UST: variants seen among roughly 807,000 people sequenced by gnomAD.
UST encodes chondroitin sulfate 2-O-sulfotransferase.
UST carries 21 observed loss-of-function variants against 45.6 expected under a neutral mutation model. That is an observed-to-expected ratio of 0.46 (90% CI 0.33 to 0.66). UST has a LOEUF of 0.66. Among genes scored for constraint, UST ranks in the 30% least tolerant of loss-of-function variants. UST has a pLI of 0.02. For synonymous variants in UST, 215 were observed against 200.6 expected (o/e 1.07, Z -0.61); for missense variants, 463 against 512.4 (o/e 0.90, Z 0.93).
intron 5 of UST, among the ~76,000 whole-genome samples, chr6:148,996,228 C>T (rs2486401): frequency 0.65 from 99,318 of 152,040 alleles, 32,772 homozygotes; most frequent in South Asian, 0.75. Context: ...TTATGGTTAT[C>T]GTTGTTTCTG....
At chr6:148,764,871 C>T (rs560383795) in intron 1 of UST, among the ~76,000 whole-genome samples, 1 of 152,288 alleles carries the variant, frequency 6.6e-6, no homozygotes, top group South Asian at 2.1e-4. Context: ...TAGAATTTGA[C>T]AGGCTGGAAT....
At chr6:148,889,689 C>G (rs1778978835) in intron 2 of UST, among the ~76,000 whole-genome samples, 1 of 152,056 alleles carries the variant, frequency 6.6e-6, no homozygotes, top group Admixed American at 6.5e-5. Context: ...TTTTTATGAA[C>G]TTGCCTTTTT....
At chr6:148,810,649 C>T (rs189233538) in intron 1 of UST, among the ~76,000 whole-genome samples, 2 of 152,130 alleles carry the variant, frequency 1.3e-5, no homozygotes, top group Non-Finnish European at 2.9e-5. Context: ...TGGCCTTGGC[C>T]TTTTTGGATG....
chr6:148,765,564 T>C (rs1430022215), intron 1 of UST, among the ~76,000 whole-genome samples: 8 of 152,178 alleles, frequency 5.3e-5, no homozygotes, highest in Non-Finnish European at 5.9e-5. Context: ...AATACAATCG[T>C]CACAGGGTCC....
At chr6:148,867,713 GC>G (rs1277131410) in intron 1 of UST, among the ~76,000 whole-genome samples, 1 of 152,058 alleles carries the variant, frequency 6.6e-6, no homozygotes, top group African/African-American at 2.4e-5. Flanking sequence ...TGATTGTGAG[GC>G]CTCCCCAGCC....
intron 5 of UST, among the ~76,000 whole-genome samples, chr6:148,970,781 C>T (rs955175265): frequency 1.2e-4 from 18 of 152,164 alleles, no homozygotes; most frequent in Non-Finnish European, 2.4e-4. Context: ...AAGACACCAA[C>T]GGTGGGTTGA....
intron 2 of UST, among the ~76,000 whole-genome samples, chr6:148,889,129 GC>G (rs1225045692): frequency 1.3e-5 from 2 of 152,218 alleles, no homozygotes; most frequent in Admixed American, 6.5e-5. Flanking sequence ...CTGGGCCCAG[GC>G]CCCAGAGTGT....
intron 2 of UST, among the ~76,000 whole-genome samples, chr6:148,926,926 G>A (rs980590929): frequency 2.7e-5 from 4 of 150,408 alleles, no homozygotes; most frequent in Admixed American, 2.7e-4. Flanking sequence ...ATTCTATATA[G>A]TTAGTAATAG....
At chr6:148,864,089 C>G (rs949818719) in intron 1 of UST, among the ~76,000 whole-genome samples, 2 of 152,186 alleles carry the variant, frequency 1.3e-5, no homozygotes, top group Non-Finnish European at 2.9e-5. Context: ...TCAGCTGTGC[C>G]CTGCCCCCAG....
rs567551268 is a variant in UST, at chr6:148,964,890, T to TG, written c.681+334dup. Reference sequence around the variant, plus strand: ...TAGTGCTTAAGAAGAACAAAGGTGTTGGGGGGGTGTCTGTTAGAGGGCGGC... The same window carrying TG: ...TAGTGCTTAAGAAGAACAAAGGTGTTGGGGGGGGTGTCTGTTAGAGGGCGGC... On this transcript the variant is annotated intron_variant, in intron 5 of 7. Transcript: ENST00000367463. 6.4e-4 allele frequency among the ~76,000 whole-genome samples: 98 copies of TG among 152,186 alleles called. No homozygotes were observed. The Middle Eastern group carries it at 0.01, about 16-fold the overall frequency.
intron 7 of UST, among the ~76,000 whole-genome samples, chr6:149,051,356 A>C (rs1776483395): frequency 6.6e-6 from 1 of 152,348 alleles, no homozygotes; most frequent in South Asian, 2.1e-4. Flanking sequence ...GTAGAAAGTC[A>C]GGCAGGCCCT....
At chr6:149,038,775 G>A (rs1428929692) in intron 7 of UST, among the ~76,000 whole-genome samples, 5 of 152,162 alleles carry the variant, frequency 3.3e-5, no homozygotes, top group Non-Finnish European at 5.9e-5. Context: ...GATGAACACT[G>A]TCCTCTGGAT....
chr6:148,781,915 ATT>A (rs1433056299), intron 1 of UST, among the ~76,000 whole-genome samples: 1 of 152,240 alleles, frequency 6.6e-6, no homozygotes, highest in Non-Finnish European at 1.5e-5. Context: ...AGAAAAACAG[ATT>A]CCTTTCAAAG....
At chr6:149,048,125 TCA>T in intron 7 of UST, among the ~76,000 whole-genome samples, 2 of 126,606 alleles carry the variant, frequency 1.6e-5, no homozygotes, top group East Asian at 1.9e-4. Context: ...TCTAAAGAGT[TCA>T]TTTTTTTTTT....
intron 1 of UST, among the ~76,000 whole-genome samples, chr6:148,760,178 A>T (rs1776184994): frequency 6.6e-6 from 1 of 152,220 alleles, no homozygotes. Flanking sequence ...TAAAATCAGC[A>T]GTGCGTTTCC....
At chr6:148,856,530 C>T (rs1006345939) in intron 1 of UST, among the ~76,000 whole-genome samples, 3 of 152,202 alleles carry the variant, frequency 2.0e-5, no homozygotes, top group Non-Finnish European at 4.4e-5. Flanking sequence ...CCTAGCATGT[C>T]CTGCATGGGG....
At chr6:148,771,557 G>A (rs1206136742) in intron 1 of UST, among the ~76,000 whole-genome samples, 3 of 152,284 alleles carry the variant, frequency 2.0e-5, no homozygotes, top group Non-Finnish European at 4.4e-5. Context: ...GTAAGTCTAG[G>A]TCACAGAAAA....
At chr6:149,000,952 A>G (rs1434654933) in intron 5 of UST, among the ~76,000 whole-genome samples, 1 of 152,242 alleles carries the variant, frequency 6.6e-6, no homozygotes, top group African/African-American at 2.4e-5. Flanking sequence ...CATGGAAAAA[A>G]TATTGTAAAG....
chr6:148,828,708 A>T (rs779451195), intron 1 of UST, among the ~76,000 whole-genome samples: 29 of 152,212 alleles, frequency 1.9e-4, no homozygotes, highest in Non-Finnish European at 3.1e-4. Flanking sequence ...AATGATGATG[A>T]TGATTGTTTA....
Sources: gnomAD v4.1 joint callset for allele counts (sites outside exome capture counted in the v4.1 genomes callset) on GRCh38, gnomAD v4.1.1 for gene constraint, MANE v1.5 for transcripts, NCBI Gene and HGNC (gene_info 2026-07-23, HGNC 2026-07-21) for gene names.